The following ATP2A3 variants were observed in gnomAD, a reference collection of about 807,000 sequenced individuals.
ATP2A3 encodes sarcoplasmic/endoplasmic reticulum calcium ATPase 3.
A neutral mutation model predicts 106.8 loss-of-function variants in ATP2A3; 61 were observed. That is an observed-to-expected ratio of 0.57 (90% CI 0.46 to 0.71). The LOEUF (loss-of-function observed/expected upper bound fraction) is 0.71. ATP2A3 is among the 30% of genes least tolerant of loss of function. The probability of loss-of-function intolerance (pLI) is 0.00; values close to 1 mark genes in which losing one functional copy is unlikely to be tolerated. For synonymous variants in ATP2A3, 611 were observed against 609.3 expected (o/e 1.00, Z -0.04); for missense variants, 1,201 against 1,423.5 (o/e 0.84, Z 2.52).
At chr17:3,938,102 G>A (rs1237884658) in intron 14 of ATP2A3, among the ~76,000 whole-genome samples, 1 of 152,172 alleles carries the variant, frequency 6.6e-6, no homozygotes, top group Non-Finnish European at 1.5e-5. Context: ...GAGGAGTGAA[G>A]TCAAGTGACA....
At chr17:3,964,102 G>A (rs2055297692) in intron 1 of ATP2A3, 72 bp downstream of exon 1, 1 of 830,514 alleles carries the variant, frequency 1.2e-6, no homozygotes, top group African/African-American at 1.9e-5. Flanking sequence ...CGGGTGGGGA[G>A]GCAGGAGGGG....
chr17:3,935,123 C>T (rs972825248), intron 17 of ATP2A3, 69 bp downstream of exon 17: 18 of 1,518,100 alleles, frequency 1.2e-5, no homozygotes, highest in Middle Eastern at 1.7e-4. Context: ...GGCTCTAGAC[C>T]CATCTCCCCT....
intron 17 of ATP2A3, among the ~76,000 whole-genome samples, chr17:3,933,243 T>A (rs1200671591): frequency 6.6e-6 from 1 of 151,348 alleles, no homozygotes; most frequent in Non-Finnish European, 1.5e-5. Context: ...ATCGCGCCAC[T>A]GCACTCCAGC....
chr17:3,953,684 C>T lies in ATP2A3; in HGVS notation c.136+9G>A, dbSNP rs1263333875. On this transcript the variant is annotated intron_variant, in intron 2 of 20. Transcript: ENST00000397041. The surrounding 1 kb of genome is among the most constrained non-coding windows in gnomAD (Gnocchi z 5.1). Reference sequence around the variant, plus strand: ...GCGGCCTAGAGGTCCATCCCGGTGCCAGCCTCACCTTCCTCACTCGGGAGC... The same window carrying T: ...GCGGCCTAGAGGTCCATCCCGGTGCTAGCCTCACCTTCCTCACTCGGGAGC... The T allele has an allele frequency of 6.4e-7, 1 of 1,564,422 alleles. No homozygotes were observed. The highest frequency in any genetic ancestry group is 8.7e-7 in the Non-Finnish European group (1 of 1,154,242).
chr17:3,945,166 G>A lies in ATP2A3; in HGVS notation c.1096-18C>T, dbSNP rs928375814. 1.3e-6 allele frequency: 2 copies of A among 1,542,274 alleles called. No homozygotes were observed. Among genetic ancestry groups the A allele is most frequent in the Admixed American group, 2.0e-5 (1 of 50,784 alleles). ...ACGAACATCTGGGGAGCGCAGGGGC[G>A]TGCTTAGGCGGGCGGGGTCGCCTCC... On this transcript the variant is annotated intron_variant, in intron 8 of 20. Transcript: ENST00000397041.
At position 3,953,954 on chromosome 17, in the gene ATP2A3, G is replaced by A. The variant is rs1243833234; in HGVS notation, c.119-244C>T. Among the ~76,000 whole-genome samples the A allele has an allele frequency of 6.6e-6, 1 of 152,016 alleles. No individual in the cohort carries two copies. The highest frequency in any genetic ancestry group is 1.5e-5 in the Non-Finnish European group (1 of 67,972). On this transcript the variant is annotated intron_variant, in intron 1 of 20. Transcript: ENST00000397041. The surrounding 1 kb of genome is among the most constrained non-coding windows in gnomAD (Gnocchi z 5.1). The stretch of plus-strand genomic sequence containing the variant: ...TCTAGGGTGACTTGGCTCATCGTGG[G>A]ATGAGTACGGAGCCAAGAGGGTCCT...
Position 3,930,564 on chromosome 17 carries a change from GTGGGC to G in ATP2A3, c.2611-135_2611-131del. The G allele has an allele frequency of 7.3e-7, 1 of 1,367,982 alleles. No individual in the cohort carries two copies. Among genetic ancestry groups the G allele is most frequent in the Non-Finnish European group, 1.0e-6 (1 of 995,442 alleles). The allele number at this position is 1,367,982 out of a possible 1,614,324, so 84.7% of individuals were successfully genotyped here. On this transcript the variant is annotated intron_variant, in intron 17 of 20. Coordinates refer to ENST00000397041, the MANE Select transcript of ATP2A3 (RefSeq NM_005173.4). This position sits in a 1 kb window ranked among gnomAD's most constrained non-coding sequence, Gnocchi z 5.4. ...CCAGCACACAAAACACTGCCGTGGG[GTGGGC>G]TGGGGATCCCGGGAGGGGTGCGGGG...
chr17:3,944,214 T>C lies in ATP2A3; in HGVS notation c.1287+490A>G, dbSNP rs117495520. ...GATCTTCTGTAAATGCACATCTGACTATGTCACTCTCCTGCTCAAAACTCT... is the reference window on the plus strand; with the variant it reads ...GATCTTCTGTAAATGCACATCTGACCATGTCACTCTCCTGCTCAAAACTCT... On this transcript the variant is annotated intron_variant, in intron 10 of 20. Transcript: ENST00000397041. Among the ~76,000 whole-genome samples, 201 of 152,304 alleles carry C rather than the reference T, an allele frequency of 1.3e-3. 4 individuals are homozygous for C. The East Asian group carries it at 0.031, about 23-fold the overall frequency.
Position 3,928,203 on chromosome 17 carries a change from C to T in ATP2A3, c.2980+460G>A. 1 of 1,612,410 alleles carries T rather than the reference C, an allele frequency of 6.2e-7. No individual in the cohort carries two copies. The highest frequency in any genetic ancestry group is 8.5e-7 in the Non-Finnish European group (1 of 1,178,834). The stretch of plus-strand genomic sequence containing the variant: ...CTGTGAGCTCAGAAACAACCCTCCC[C>T]TTGACCCACCCACAAGGTGATACCA... On this transcript the variant is annotated intron_variant, in intron 20 of 20. Coordinates refer to ENST00000397041, the MANE Select transcript of ATP2A3 (RefSeq NM_005173.4). The surrounding 1 kb of genome is among the most constrained non-coding windows in gnomAD (Gnocchi z 6.1).
In ATP2A3 at chr17:3,926,837, G is replaced by A; in HGVS notation, c.2981-1396C>T. The stretch of plus-strand genomic sequence containing the variant: ...GCCCACCTCGGCCTCCCAAAGTGCT[G>A]GGATGACAGGTGTGAGCCACTGCAC... On this transcript the variant is annotated intron_variant, in intron 20 of 20. Transcript: ENST00000397041. This position sits in a 1 kb window ranked among gnomAD's most constrained non-coding sequence, Gnocchi z 4.6. The A allele has an allele frequency of 1.0e-6, 1 of 984,896 alleles. No individual in the cohort carries two copies. The highest frequency in any genetic ancestry group is 1.2e-6 in the Non-Finnish European group (1 of 829,464). 61.0% of individuals were successfully genotyped at this position (984,896 alleles called of 1,614,324 possible).
At chr17:3,931,564 CG>C (rs1567680427) in intron 17 of ATP2A3, among the ~76,000 whole-genome samples, 3 of 151,322 alleles carry the variant, frequency 2.0e-5, no homozygotes, top group African/African-American at 4.9e-5. Context: ...CTCTGTCACC[CG>C]AGCTGGAGTG....
At position 3,925,352 on chromosome 17, in the gene ATP2A3, G is replaced by A. The variant is rs922484130; in HGVS notation, c.*70C>T. The A allele has an allele frequency of 6.2e-7, 1 of 1,613,220 alleles. No individual in the cohort carries two copies. ...GGGCGAGTGTGGTGGCAAGGGTGGG[G>A]GGCGGAGGCGAACACATGGGCACCA... On this transcript the variant is annotated 3_prime_UTR_variant, in exon 21 of 21. Coordinates refer to ENST00000397041, the MANE Select transcript of ATP2A3 (RefSeq NM_005173.4). The surrounding 1 kb of genome is among the most constrained non-coding windows in gnomAD (Gnocchi z 4.2).
intron 9 of ATP2A3, 72 bp downstream of exon 9, chr17:3,944,988 C>T: frequency 7.5e-7 from 1 of 1,338,100 alleles, no homozygotes; most frequent in South Asian, 1.7e-5. Context: ...CCTCCCACGG[C>T]CACCTCGGCG....
In ATP2A3 at chr17:3,953,526, C is replaced by T. The variant is rs959094713; in HGVS notation, c.137-97G>A. ...GGGAGACCTCCCGGCCCATTCCCTC[C>T]CTGCACTCAGAAGAGGGAGAACCCA... is the stretch of plus-strand genomic sequence containing the variant. On this transcript the variant is annotated intron_variant, in intron 2 of 20. Coordinates refer to ENST00000397041, the MANE Select transcript of ATP2A3 (RefSeq NM_005173.4). This position sits in a 1 kb window ranked among gnomAD's most constrained non-coding sequence, Gnocchi z 5.1. The T allele has an allele frequency of 2.0e-6, 3 of 1,509,070 alleles. No homozygotes were observed. Among genetic ancestry groups the T allele is most frequent in the Admixed American group, 3.5e-5 (2 of 56,574 alleles). The allele number at this position is 1,509,070 out of a possible 1,614,324, so 93.5% of individuals were successfully genotyped here.
At position 3,942,461 on chromosome 17, in the gene ATP2A3, C is replaced by A. The variant is rs746385646; in HGVS notation, c.1545+145G>T. The A allele has an allele frequency of 2.2e-4, 274 of 1,265,472 alleles. No individual in the cohort carries two copies. The South Asian group carries it at 3.8e-3, about 17-fold the overall frequency. The allele number at this position is 1,265,472 out of a possible 1,614,324, so 78.4% of individuals were successfully genotyped here. On this transcript the variant is annotated intron_variant, in intron 12 of 20. Transcript: ENST00000397041. ...AAGGGTGGCACCAACCACCCCTACA[C>A]CACCGGTTAGAGGCAAAAGGGGCTC...
Position 3,953,136 on chromosome 17 carries a change from G to C in ATP2A3, c.219+211C>G. The C allele has an allele frequency of 3.3e-6, 2 of 614,126 alleles. No homozygotes were observed. The highest frequency in any genetic ancestry group is 2.9e-6 in the Non-Finnish European group (1 of 341,666). 38.0% of individuals were successfully genotyped at this position (614,126 alleles called of 1,614,324 possible). The stretch of plus-strand genomic sequence containing the variant: ...CCAGAGGATAAGATGGATTGGAGGG[G>C]TCAGGTGGGAGCCGGGGACCCAATG... On this transcript the variant is annotated intron_variant, in intron 3 of 20. Transcript: ENST00000397041. The surrounding 1 kb of genome is among the most constrained non-coding windows in gnomAD (Gnocchi z 5.1).
At chr17:3,958,775 C>CACATATAT (rs1443357554) in intron 1 of ATP2A3, among the ~76,000 whole-genome samples, 1 of 132,332 alleles carries the variant, frequency 7.6e-6, no homozygotes, top group Non-Finnish European at 1.6e-5. Context: ...CATATATATA[C>CACATATAT]ACACACATAT....
chr17:3,936,898 C>T lies in ATP2A3; in HGVS notation c.2322-429G>A, dbSNP rs576814549. On this transcript the variant is annotated intron_variant, in intron 15 of 20. Coordinates refer to ENST00000397041, the MANE Select transcript of ATP2A3 (RefSeq NM_005173.4). The surrounding 1 kb of genome is among the most constrained non-coding windows in gnomAD (Gnocchi z 5.4). ...ATCCATCCATGTCCAGCAACACACA[C>T]GCTCACCATTCCCCACAGGCATCCT... The T allele has an allele frequency of 2.1e-5, 7 of 327,664 alleles. No individual in the cohort carries two copies. Among genetic ancestry groups the T allele is most frequent in the South Asian group, 8.2e-5 (3 of 36,726 alleles). The allele number at this position is 327,664 out of a possible 1,614,324, so 20.3% of individuals were successfully genotyped here. A position where few individuals can be genotyped will look rare whatever the true frequency, so the allele number is the denominator to read the frequency against.
intron 14 of ATP2A3, among the ~76,000 whole-genome samples, chr17:3,939,503 A>T (rs2053618224): frequency 6.6e-6 from 1 of 152,062 alleles, no homozygotes; most frequent in African/African-American, 2.4e-5. Context: ...ATAAAAAAGC[A>T]ATAGGCCGGG....
Sources: gnomAD v4.1 joint callset for allele counts (sites outside exome capture counted in the v4.1 genomes callset) on GRCh38, gnomAD v4.1.1 for gene constraint, Gnocchi (gnomAD v3.1) non-coding constraint, MANE v1.5 for transcripts, NCBI Gene and HGNC (gene_info 2026-07-23, HGNC 2026-07-21) for gene names.